The following NRG1 variants were observed in gnomAD, a reference collection of about 807,000 sequenced individuals.
The protein encoded by NRG1 is pro-neuregulin-1, membrane-bound isoform.
NRG1 carries 18 observed loss-of-function variants against 63.8 expected under a neutral mutation model. The observed-to-expected ratio is 0.28, with a 90% CI of 0.19 to 0.42. The LOEUF is 0.42. Among genes scored for constraint, NRG1 ranks in the 10% least tolerant of loss-of-function variants. The pLI, the probability that NRG1 is intolerant of heterozygous loss-of-function variation, is 1.00. For synonymous variants in NRG1, 302 were observed against 301.3 expected, an observed-to-expected ratio of 1.00 and a Z score of -0.02; for missense variants, 762 against 814.7, an observed-to-expected ratio of 0.94 and a Z score of 0.79.
At chr8:32,315,342 T>C (rs1341790033) in intron 1 of NRG1, among the ~76,000 whole-genome samples, 1 of 152,186 alleles carries the variant, frequency 6.6e-6, no homozygotes, top group Non-Finnish European at 1.5e-5. Flanking sequence ...TGAGTTTGGT[T>C]TTCTGTTCCT....
intron 1 of NRG1, among the ~76,000 whole-genome samples, chr8:32,386,128 G>A (rs112634155): frequency 6.6e-6 from 1 of 152,164 alleles, no homozygotes; most frequent in African/African-American, 2.4e-5. Context: ...TAGAGACAGA[G>A]TCTCACTCTG....
chr8:32,202,662 C>A (rs530159329), intron 1 of NRG1, among the ~76,000 whole-genome samples: 1 of 151,794 alleles, frequency 6.6e-6, no homozygotes, highest in Non-Finnish European at 1.5e-5. Context: ...GGAAGGGGAA[C>A]GGGAGAGGGG....
chr8:32,736,453 G>A (rs957613986), intron 6 of NRG1, among the ~76,000 whole-genome samples: 6 of 152,118 alleles, frequency 3.9e-5, no homozygotes, highest in African/African-American at 9.7e-5. Context: ...CTGCCACCTC[G>A]AGTTTACACA....
chr8:32,431,452 G>A (rs1007130109), intron 1 of NRG1, among the ~76,000 whole-genome samples: 14 of 152,178 alleles, frequency 9.2e-5, no homozygotes, highest in African/African-American at 3.1e-4. Flanking sequence ...TCTCCATCAC[G>A]TAGTCTCTTC....
chr8:32,123,676 A>T lies in NRG1; in HGVS notation c.38-472152A>T, dbSNP rs145259976. On this transcript the variant is annotated intron_variant, in intron 1 of 10. Coordinates refer to the NRG1 transcript ENST00000519301. ...ATTATGTAATTTTTCATTCTGTCTT[A>T]TAATTTATTCTAAAAATTATATTTT... is the stretch of plus-strand genomic sequence containing the variant. Among the ~76,000 whole-genome samples, 1,029 of 150,040 alleles carry T rather than the reference A, an allele frequency of 6.9e-3. 10 individuals are homozygous for T. The highest frequency in any genetic ancestry group is 0.024 in the African/African-American group (981 of 41,208).
chr8:31,720,647 T>C (rs1427795470), intron 1 of NRG1, among the ~76,000 whole-genome samples: 1 of 152,202 alleles, frequency 6.6e-6, no homozygotes, highest in Non-Finnish European at 1.5e-5. Flanking sequence ...TTTGTTTTTG[T>C]TTTTGTTTTT....
chr8:32,701,308 A>T (rs1376974821), intron 5 of NRG1, among the ~76,000 whole-genome samples: 1 of 152,150 alleles, frequency 6.6e-6, no homozygotes, highest in Non-Finnish European at 1.5e-5. Flanking sequence ...CTTCTGAGAA[A>T]TCTGAACTAT....
At chr8:32,639,960 T>G (rs1328241617) in intron 5 of NRG1, among the ~76,000 whole-genome samples, 1 of 152,222 alleles carries the variant, frequency 6.6e-6, no homozygotes, top group South Asian at 2.1e-4. Flanking sequence ...TTAAATAAGA[T>G]TGCACATTGG....
rs71208187 is a variant in NRG1 at position 32,486,627 on chromosome 8, A to AATTTTTTTTTTT, written c.38-109201_38-109200insATTTTTTTTTTT. Among the ~76,000 whole-genome samples, 4 of 145,518 alleles carry AATTTTTTTTTTT rather than the reference A, an allele frequency of 2.7e-5. 1 individual carries two copies. Among genetic ancestry groups the AATTTTTTTTTTT allele is most frequent in the Non-Finnish European group, 4.5e-5 (3 of 66,792 alleles). On this transcript the variant is annotated intron_variant, in intron 1 of 10. Coordinates refer to the NRG1 transcript ENST00000519301. Reference sequence around the variant, plus strand: ...CCTCAAGAGGCTACAGAATTGCTGGATTTTTTTTTTTTTTTGGAATGGAGT... The same window carrying AATTTTTTTTTTT: ...CCTCAAGAGGCTACAGAATTGCTGGAATTTTTTTTTTTTTTTTTTTTTTTTTTGGAATGGAGT...
intron 1 of NRG1, among the ~76,000 whole-genome samples, chr8:32,566,843 ATTTTGTTTTG>A (rs147553505): frequency 6.6e-6 from 1 of 150,778 alleles, no homozygotes; most frequent in African/African-American, 2.4e-5. Flanking sequence ...AGAAAGTAGC[ATTTTGTTTTG>A]TTTTGTTTTG....
chr8:31,680,991 G>A (rs1183300369), intron 1 of NRG1, among the ~76,000 whole-genome samples: 1 of 151,954 alleles, frequency 6.6e-6, no homozygotes, highest in Non-Finnish European at 1.5e-5. Context: ...GAAAATAATA[G>A]ATGATTTCAG....
intron 1 of NRG1, among the ~76,000 whole-genome samples, chr8:32,189,860 G>A (rs1842319120): frequency 1.3e-5 from 2 of 152,042 alleles, no homozygotes; most frequent in Admixed American, 1.3e-4. Flanking sequence ...GTGCTAGATT[G>A]GCATTAGACA....
intron 1 of NRG1, among the ~76,000 whole-genome samples, chr8:32,497,352 C>T (rs1266838388): frequency 6.7e-6 from 1 of 149,680 alleles, no homozygotes; most frequent in Non-Finnish European, 1.5e-5. Context: ...GAGGCTGAGG[C>T]AGGAGAATCA....
chr8:32,459,312 C>G lies in NRG1; in HGVS notation c.38-136516C>G, dbSNP rs16879433. Among the ~76,000 whole-genome samples, 8,662 of 152,230 alleles carry G rather than the reference C, an allele frequency of 0.057. 1,190 individuals carry two copies. In the East Asian group the frequency reaches 0.62, roughly 11 times the overall value. On this transcript the variant is annotated intron_variant, in intron 1 of 10. Transcript: ENST00000519301. Reference sequence around the variant, plus strand: ...TCCTATAAACTCTAATACCAAGTATCCCTGGAATCCTTTCAGTTTTTCCTA... The same window carrying G: ...TCCTATAAACTCTAATACCAAGTATGCCTGGAATCCTTTCAGTTTTTCCTA...
intron 1 of NRG1, among the ~76,000 whole-genome samples, chr8:32,413,713 A>G (rs1483244133): frequency 6.6e-6 from 1 of 152,192 alleles, no homozygotes; most frequent in Non-Finnish European, 1.5e-5. Flanking sequence ...GGAACATATG[A>G]TTGATCCTAG....
exon 12 of NRG1, chr8:32,765,587 C>T (rs1294028623): frequency 1.3e-5 from 2 of 152,112 alleles, no homozygotes; most frequent in Non-Finnish European, 2.9e-5. Flanking sequence ...TTTTATCTTT[C>T]CATGTTGCCT....
intron 1 of NRG1, among the ~76,000 whole-genome samples, chr8:32,520,323 CT>C (rs554244569): frequency 4.4e-3 from 618 of 139,966 alleles, no homozygotes; most frequent in East Asian, 0.012. Context: ...TGTCCAGCTA[CT>C]TTTTTTTTTT....
intron 5 of NRG1, among the ~76,000 whole-genome samples, chr8:32,653,628 C>T (rs1855632996): frequency 6.6e-6 from 1 of 152,160 alleles, no homozygotes; most frequent in Non-Finnish European, 1.5e-5. Context: ...ATTCTTCTAG[C>T]ATGTACATAA....
intron 1 of NRG1, among the ~76,000 whole-genome samples, chr8:31,704,057 A>G (rs1399167681): frequency 6.6e-6 from 1 of 152,178 alleles, no homozygotes; most frequent in Admixed American, 6.5e-5. Flanking sequence ...CTTGGCTTCA[A>G]CCAATCCAAT....
Sources: gnomAD v4.1 joint callset for allele counts (sites outside exome capture counted in the v4.1 genomes callset) on GRCh38, gnomAD v4.1.1 for gene constraint, MANE v1.5 for transcripts, NCBI Gene and HGNC (gene_info 2026-07-23, HGNC 2026-07-21) for gene names.